Variants in GABBR2 observed in about 807,000 individuals in gnomAD.
GABBR2 encodes gamma-aminobutyric acid type B receptor subunit 2.
In GABBR2, 23 loss-of-function variants were observed where a neutral mutation model predicts 105.6. The observed-to-expected ratio is 0.22, with a 90% CI of 0.16 to 0.31. The LOEUF is 0.31. GABBR2 is among the 10% of genes least tolerant of loss of function. The pLI is 1.00. For missense variants in GABBR2, 734 were observed against 1,245.5 expected, an observed-to-expected ratio of 0.59 and a Z score of 6.18; for synonymous variants, 478 against 499.7, an observed-to-expected ratio of 0.96 and a Z score of 0.58.
chr9:98,601,988 C>T (rs1007267579), intron 1 of GABBR2, among the ~76,000 whole-genome samples: 1 of 152,070 alleles, frequency 6.6e-6, no homozygotes, highest in Non-Finnish European at 1.5e-5. Flanking sequence ...TTTACTTGAA[C>T]GGCTCTTTAT....
chr9:98,540,734 T>C (rs532417554), intron 3 of GABBR2, among the ~76,000 whole-genome samples: 23 of 152,322 alleles, frequency 1.5e-4, no homozygotes, highest in Middle Eastern at 3.4e-3. Context: ...TAAGAACACT[T>C]GGTTTGTCTT....
At chr9:98,370,763 T>C (rs1397231203) in intron 12 of GABBR2, among the ~76,000 whole-genome samples, 1 of 152,072 alleles carries the variant, frequency 6.6e-6, no homozygotes, top group Non-Finnish European at 1.5e-5. Flanking sequence ...ACTGCAAGAG[T>C]TAAAGAGGAC....
intron 17 of GABBR2, among the ~76,000 whole-genome samples, chr9:98,294,522 GATCGTGCCACCAGTGGCATT>G (rs1312955706): frequency 6.7e-6 from 1 of 149,946 alleles, no homozygotes. Flanking sequence ...CTGTCACTCA[GATCGTGCCACCAGTGGCATT>G]ATCTTGGCTC....
intron 7 of GABBR2, among the ~76,000 whole-genome samples, chr9:98,410,189 TA>T (rs1319865946): frequency 6.6e-6 from 1 of 152,118 alleles, no homozygotes. Context: ...TATGTAGAGA[TA>T]AATATCATGA....
At chr9:98,673,644 A>G (rs1389130192) in intron 1 of GABBR2, among the ~76,000 whole-genome samples, 1 of 152,168 alleles carries the variant, frequency 6.6e-6, no homozygotes, top group East Asian at 1.9e-4. Flanking sequence ...GCCAATATCT[A>G]AAAGAAAACA....
intron 1 of GABBR2, among the ~76,000 whole-genome samples, chr9:98,578,317 C>T (rs185844719): frequency 2.0e-5 from 3 of 152,244 alleles, no homozygotes; most frequent in African/African-American, 7.2e-5. Context: ...TCCAGCACCC[C>T]AGCTATCTCC....
intron 7 of GABBR2, among the ~76,000 whole-genome samples, chr9:98,420,663 A>G (rs970124680): frequency 6.6e-6 from 1 of 152,206 alleles, no homozygotes; most frequent in Non-Finnish European, 1.5e-5. Flanking sequence ...GCTGTGGGGA[A>G]TCTATCCAGC....
intron 1 of GABBR2, among the ~76,000 whole-genome samples, chr9:98,703,121 T>C (rs1045963408): frequency 1.3e-5 from 2 of 152,248 alleles, no homozygotes; most frequent in Admixed American, 1.3e-4. Context: ...AGAAACACTC[T>C]TCTTACTGGA....
chr9:98,623,459 A>G (rs1165530977), intron 1 of GABBR2, among the ~76,000 whole-genome samples: 1 of 152,210 alleles, frequency 6.6e-6, no homozygotes, highest in Non-Finnish European at 1.5e-5. Context: ...TTTTTAAAAA[A>G]CATACAAAAA....
At chr9:98,615,113 G>C (rs2131816966) in intron 1 of GABBR2, among the ~76,000 whole-genome samples, 1 of 152,274 alleles carries the variant, frequency 6.6e-6, no homozygotes, top group South Asian at 2.1e-4. Flanking sequence ...TGGGCTGGCT[G>C]GCCACCTCTG....
Position 98,436,388 on chromosome 9 carries a change from TATATATATATATATATATAG to T in GABBR2, c.1236+17573_1236+17592del, listed in dbSNP as rs1485555460. Among the ~76,000 whole-genome samples, 343 of 42,238 alleles carry T rather than the reference TATATATATATATATATATAG, an allele frequency of 8.1e-3. 22 individuals carry two copies. The highest frequency in any genetic ancestry group is 0.02 in the Middle Eastern group (2 of 98). The allele number at this position is 42,238 out of a possible 152,430, so 27.7% of individuals were successfully genotyped here. On this transcript the variant is annotated intron_variant, in intron 7 of 18. Transcript: ENST00000259455. The stretch of plus-strand genomic sequence containing the variant: ...ATATATATATATATATATATATATA[TATATATATATATATATATAG>T]TATGGCGTTCTTTCTTCTACTACCA...
chr9:98,448,163 CT>C (rs1826169132), intron 7 of GABBR2, among the ~76,000 whole-genome samples: 1 of 152,028 alleles, frequency 6.6e-6, no homozygotes, highest in Admixed American at 6.5e-5. Context: ...TTTGGAGGAA[CT>C]TAATGGGTCA....
intron 7 of GABBR2, among the ~76,000 whole-genome samples, chr9:98,432,806 C>T (rs1333440781): frequency 6.6e-6 from 1 of 152,150 alleles, no homozygotes; most frequent in African/African-American, 2.4e-5. Context: ...CAGAACTCAG[C>T]CCCACGTGAG....
At chr9:98,543,966 G>T (rs1009613381) in intron 2 of GABBR2, among the ~76,000 whole-genome samples, 2 of 151,962 alleles carry the variant, frequency 1.3e-5, no homozygotes, top group African/African-American at 2.4e-5. Flanking sequence ...CTTACTCTGA[G>T]ATTATAAAAT....
intron 13 of GABBR2, among the ~76,000 whole-genome samples, chr9:98,346,190 G>T (rs937891787): frequency 1.1e-4 from 16 of 152,146 alleles, no homozygotes; most frequent in African/African-American, 3.9e-4. Flanking sequence ...TTTCGTAAAT[G>T]ATTTCTTTGT....
At chr9:98,462,195 T>A (rs1344486653) in intron 6 of GABBR2, among the ~76,000 whole-genome samples, 1 of 152,206 alleles carries the variant, frequency 6.6e-6, no homozygotes, top group Non-Finnish European at 1.5e-5. Flanking sequence ...TTTCAACATA[T>A]CCCATGTGTC....
intron 1 of GABBR2, among the ~76,000 whole-genome samples, chr9:98,614,083 A>G (rs1489469109): frequency 6.6e-6 from 1 of 152,248 alleles, no homozygotes; most frequent in Non-Finnish European, 1.5e-5. Flanking sequence ...AAAAAAAGAA[A>G]TTAATTTAGG....
chr9:98,403,293 C>CAA (rs546167489), intron 8 of GABBR2, among the ~76,000 whole-genome samples: 2,838 of 83,642 alleles, frequency 0.034, 127 homozygotes, highest in African/African-American at 0.073. Flanking sequence ...GACTCCGTCT[C>CAA]AAAAAAAAAA....
Position 98,347,214 on chromosome 9 carries a change from C to CT in GABBR2, c.1893+15500dup, listed in dbSNP as rs1831317589. Among the ~76,000 whole-genome samples the CT allele has an allele frequency of 2.6e-5, 4 of 152,146 alleles. No individual in the cohort carries two copies. The South Asian group carries it at 8.3e-4, about 32-fold the overall frequency. On this transcript the variant is annotated intron_variant, in intron 13 of 18. Coordinates refer to ENST00000259455, the MANE Select transcript of GABBR2 (RefSeq NM_005458.8). ...CCCACCAACAGTGTATAAGAATTCT[C>CT]TTTTTTCTGCATCCTTGCCAACATT...
Sources: allele counts gnomAD v4.1 joint callset (sites outside exome capture counted in the v4.1 genomes callset), GRCh38; gene constraint gnomAD v4.1.1; transcripts MANE v1.5; gene names NCBI Gene and HGNC (gene_info 2026-07-23, HGNC 2026-07-21).